Variants in PSTPIP1 observed in about 807,000 individuals in gnomAD.
PSTPIP1 encodes the protein proline-serine-threonine phosphatase interacting protein 1.
In PSTPIP1, 66 loss-of-function variants were observed where a neutral mutation model predicts 69.6. That is an observed-to-expected ratio of 0.95 (90% CI 0.78 to 1.16). The LOEUF is 1.16. PSTPIP1 is among the 50% of genes most tolerant of loss of function. The pLI is 0.00. For missense variants in PSTPIP1, 603 were observed against 557.4 expected, an observed-to-expected ratio of 1.08 and a Z score of -0.82; for synonymous variants, 266 against 222.7, an observed-to-expected ratio of 1.19 and a Z score of -1.73.
In PSTPIP1 at chr15:77,035,947, A is replaced by G. The variant is rs1236282718; in HGVS notation, c.1119+12A>G. The G allele has an allele frequency of 3.8e-6, 6 of 1,586,094 alleles. No homozygotes were observed. In the Admixed American group the frequency reaches 8.9e-5, roughly 23 times the overall value. ...ATTATACAGCGCAGGTGAGGCCTCTATACCCCAAACCCACCTGTGCCACCT... is the reference window on the plus strand; with the variant it reads ...ATTATACAGCGCAGGTGAGGCCTCTGTACCCCAAACCCACCTGTGCCACCT... On this transcript the variant is annotated intron_variant, in intron 14 of 14. Coordinates refer to ENST00000558012, the MANE Select transcript of PSTPIP1 (RefSeq NM_003978.5).
At chr15:77,028,007 T>G in intron 6 of PSTPIP1, 93 bp downstream of exon 6, 7 of 1,182,768 alleles carry the variant, frequency 5.9e-6, no homozygotes, top group Non-Finnish European at 8.6e-6. Flanking sequence ...GCAGGGCATT[T>G]GGAACAGGCT....
chr15:77,029,687 G>A lies in PSTPIP1; in HGVS notation c.562+113G>A, dbSNP rs1053071590. On this transcript the variant is annotated intron_variant, in intron 8 of 14. Transcript: ENST00000558012. ...ACTCCCCCTGGCTGCACAATCATGGGCGCGGCGCTCTCATTCCAGATATGT... is the reference window on the plus strand; with the variant it reads ...ACTCCCCCTGGCTGCACAATCATGGACGCGGCGCTCTCATTCCAGATATGT... The A allele has an allele frequency of 5.6e-6, 7 of 1,254,974 alleles. No individual in the cohort carries two copies. The South Asian group carries it at 5.7e-5, about 10-fold the overall frequency. 77.7% of individuals were successfully genotyped at this position (1,254,974 alleles called of 1,614,324 possible).
Position 76,995,512 on chromosome 15 carries a change from T to C in PSTPIP1, c.-62T>C. ...GGACTGGGACGCTGCTGCTGGCGCCTGGCCCTCCATCAGGCCAGCCTGTGG... is the reference window on the plus strand; with the variant it reads ...GGACTGGGACGCTGCTGCTGGCGCCCGGCCCTCCATCAGGCCAGCCTGTGG... On this transcript the variant is annotated 5_prime_UTR_variant, in exon 1 of 15. Transcript: ENST00000558012. The C allele has an allele frequency of 6.2e-7, 1 of 1,612,854 alleles. No individual in the cohort carries two copies. Among genetic ancestry groups the C allele is most frequent in the East Asian group, 2.2e-5 (1 of 44,866 alleles).
At chr15:77,017,764 G>C (rs2076080960) in intron 1 of PSTPIP1, among the ~76,000 whole-genome samples, 1 of 152,226 alleles carries the variant, frequency 6.6e-6, no homozygotes, top group Non-Finnish European at 1.5e-5. Flanking sequence ...ACTTAGCTGA[G>C]ATAGGGATAT....
At chr15:77,005,084 T>G (rs997562085) in intron 1 of PSTPIP1, among the ~76,000 whole-genome samples, 1 of 152,084 alleles carries the variant, frequency 6.6e-6, no homozygotes, top group Non-Finnish European at 1.5e-5. Context: ...ATAATTGTGG[T>G]AATTAATTAC....
Position 77,018,304 on chromosome 15 carries a change from C to T in PSTPIP1, c.137+56C>T, listed in dbSNP as rs1026295129. ...AGGCAGGAAGCAGGTGGCTTCCGCT[C>T]GGCTCCTGGGACAGTGGACGAGGCC... On this transcript the variant is annotated intron_variant, in intron 2 of 14. Coordinates refer to ENST00000558012, the MANE Select transcript of PSTPIP1 (RefSeq NM_003978.5). The T allele has an allele frequency of 2.7e-5, 42 of 1,543,000 alleles. 1 individual carries two copies. Among genetic ancestry groups the T allele is most frequent in the South Asian group, 8.4e-5 (7 of 83,726 alleles).
intron 3 of PSTPIP1, among the ~76,000 whole-genome samples, chr15:77,019,287 G>A (rs2076115985): frequency 6.6e-6 from 1 of 152,238 alleles, no homozygotes; most frequent in Non-Finnish European, 1.5e-5. Context: ...TGAGGACAGA[G>A]CCAGGCCAAG....
chr15:76,997,096 A>G (rs1005231706), intron 1 of PSTPIP1, among the ~76,000 whole-genome samples: 1 of 152,190 alleles, frequency 6.6e-6, no homozygotes, highest in Non-Finnish European at 1.5e-5. Context: ...GGGCACAGGT[A>G]GGGGTGGCGT....
At chr15:77,023,367 G>A (rs2076204683) in intron 3 of PSTPIP1, among the ~76,000 whole-genome samples, 1 of 152,190 alleles carries the variant, frequency 6.6e-6, no homozygotes, top group African/African-American at 2.4e-5. Context: ...GAGGCAAGAT[G>A]GAGCCTGGCA....
At chr15:77,019,812 T>C (rs2076126781) in intron 3 of PSTPIP1, among the ~76,000 whole-genome samples, 1 of 152,194 alleles carries the variant, frequency 6.6e-6, no homozygotes, top group Non-Finnish European at 1.5e-5. Context: ...AATGGACGTA[T>C]GCAGGGAGGT....
At chr15:77,001,563 GGA>G (rs1427636250) in intron 1 of PSTPIP1, among the ~76,000 whole-genome samples, 1 of 152,228 alleles carries the variant, frequency 6.6e-6, no homozygotes, top group East Asian at 1.9e-4. Flanking sequence ...GCAGGAGGTG[GGA>G]GAGAGAGGCC....
At chr15:77,029,334 T>A (rs2076359047) in intron 7 of PSTPIP1, among the ~76,000 whole-genome samples, 195 bp from the exon 8 acceptor site, 1 of 152,236 alleles carries the variant, frequency 6.6e-6, no homozygotes, top group African/African-American at 2.4e-5. Flanking sequence ...CCTGTCTTCG[T>A]TCTCTTTCCA....
In PSTPIP1 at chr15:77,008,126, G is replaced by A. The variant is rs2075856583; in HGVS notation, c.37-10022G>A. On this transcript the variant is annotated intron_variant, in intron 1 of 14. Coordinates refer to ENST00000558012, the MANE Select transcript of PSTPIP1 (RefSeq NM_003978.5). ...CACAGAAGTCTGGATCAGTGTCCCT[G>A]GAGCTGCAGTGAATACTAAACGCAG... is the stretch of plus-strand genomic sequence containing the variant. 4 of 452,654 alleles carry A rather than the reference G, an allele frequency of 8.8e-6. No homozygotes were observed. In the Admixed American group the frequency reaches 9.4e-5, roughly 11 times the overall value. The allele number at this position is 452,654 out of a possible 1,614,324, so 28.0% of individuals were successfully genotyped here.
Position 76,995,255 on chromosome 15 carries a change from C to T in PSTPIP1, c.-319C>T. 2.3e-6 allele frequency: 3 copies of T among 1,289,316 alleles called. No individual in the cohort carries two copies. The South Asian group carries it at 4.9e-5, about 21-fold the overall frequency. 79.9% of individuals were successfully genotyped at this position (1,289,316 alleles called of 1,614,324 possible). On this transcript the variant is annotated 5_prime_UTR_variant, in exon 1 of 15. Coordinates refer to ENST00000558012, the MANE Select transcript of PSTPIP1 (RefSeq NM_003978.5). Reference sequence around the variant, plus strand: ...GGCATCCCTGCTCCCTGCCCTGGGTCCCAGACTGTGTCCTCCATCACCGCA... The same window carrying T: ...GGCATCCCTGCTCCCTGCCCTGGGTTCCAGACTGTGTCCTCCATCACCGCA...
chr15:77,004,076 C>A (rs2075768164), intron 1 of PSTPIP1, among the ~76,000 whole-genome samples: 1 of 152,214 alleles, frequency 6.6e-6, no homozygotes, highest in South Asian at 2.1e-4. Context: ...TTAATTCCAA[C>A]AATAGTCCTG....
intron 3 of PSTPIP1, among the ~76,000 whole-genome samples, chr15:77,019,330 A>T (rs2076116980): frequency 6.6e-6 from 1 of 152,168 alleles, no homozygotes; most frequent in South Asian, 2.1e-4. Flanking sequence ...CAACTTCTTG[A>T]AAGGGCTCTG....
At chr15:77,013,032 G>A (rs543786435) in intron 1 of PSTPIP1, among the ~76,000 whole-genome samples, 19 of 152,304 alleles carry the variant, frequency 1.2e-4, no homozygotes, top group African/African-American at 4.6e-4. Flanking sequence ...CAGGTTTTCA[G>A]TCCACAGAAG....
Position 77,035,905 on chromosome 15 carries a change from G to A in PSTPIP1, c.1089G>A (p.Glu363=), listed in dbSNP as rs781747543. The A allele has an allele frequency of 3.1e-5, 50 of 1,608,944 alleles. No homozygotes were observed. Among genetic ancestry groups the A allele is most frequent in the Non-Finnish European group, 4.2e-5 (50 of 1,179,040 alleles). The change falls in exon 14 of 15, where the codon GAG becomes GAA. Residue 363 remains glutamate, a synonymous_variant. Coordinates refer to ENST00000558012, the MANE Select transcript of PSTPIP1 (RefSeq NM_003978.5). ...IQGNPASPAQ[E]YRALYDYTAQ... ...GAAACCCGGCCTCACCAGCCCAGGA[G>A]TACCGGGCGCTCTACGATTATACAG...
intron 1 of PSTPIP1, among the ~76,000 whole-genome samples, chr15:77,007,048 T>C (rs1191641772): frequency 1.3e-5 from 2 of 152,166 alleles, no homozygotes; most frequent in African/African-American, 4.8e-5. Context: ...CTCATCATAC[T>C]CTCACCCTGG....
Sources: gnomAD v4.1 joint callset for allele counts (sites outside exome capture counted in the v4.1 genomes callset) on GRCh38, gnomAD v4.1.1 for gene constraint, MANE v1.5 for transcripts, NCBI Gene and HGNC (gene_info 2026-07-23, HGNC 2026-07-21) for gene names.